ERLIN1: variants seen among roughly 807,000 people sequenced by gnomAD.
ERLIN1 encodes ER lipid raft associated 1.
Under a neutral mutation model 46.9 loss-of-function variants are expected in ERLIN1, and 24 were observed. That is an observed-to-expected ratio of 0.51 (90% CI 0.37 to 0.72). The LOEUF (loss-of-function observed/expected upper bound fraction) is 0.72, where lower values mean the gene tolerates loss of function less well. Ranked by LOEUF, ERLIN1 falls within the 30% of genes least tolerant of loss-of-function variation. The pLI, the probability that ERLIN1 is intolerant of heterozygous loss-of-function variation, is 0.00. For missense variants in ERLIN1, 293 were observed against 417.9 expected, an observed-to-expected ratio of 0.70 and a Z score of 2.61; for synonymous variants, 158 against 143.2, an observed-to-expected ratio of 1.10 and a Z score of -0.74.
At chr10:100,175,234 AT>A (rs772946844) in intron 5 of ERLIN1, among the ~76,000 whole-genome samples, 1 of 152,190 alleles carries the variant, frequency 6.6e-6, no homozygotes, top group Non-Finnish European at 1.5e-5. Flanking sequence ...AGGAACTTGG[AT>A]TTGTAGAAGG....
In ERLIN1 at chr10:100,178,142, G is replaced by C; in HGVS notation, c.295C>G (p.Pro99Ala). ...DRIEVVNMLAPYAVFDIVRNY... is the reference protein window; with the variant it reads ...DRIEVVNMLAAYAVFDIVRNY... The stretch of plus-strand genomic sequence containing the variant: ...TAGATGGGTAACATACCTGCATAAG[G>C]AGCCAACATATTAACCACTTCTATT... The change falls in exon 4 of 11, where the codon CCT (proline) becomes GCT (alanine). Residue 99 changes from proline to alanine, a missense_variant. Pro to Ala is a conservative substitution (Grantham distance 27). Around this residue, in one of 3 missense-constraint regions of ERLIN1, gnomAD observed 148 missense variants for 266.5 expected, o/e 0.56. Coordinates refer to ENST00000421367, the MANE Select transcript of ERLIN1 (RefSeq NM_006459.4). 6.3e-7 allele frequency: 1 copy of C among 1,577,358 alleles called. No individual in the cohort carries two copies. The highest frequency in any genetic ancestry group is 2.3e-5 in the East Asian group (1 of 43,738).
At chr10:100,178,309 A>G in intron 3 of ERLIN1, 115 bp from the exon 4 acceptor site, 1 of 648,710 alleles carries the variant, frequency 1.5e-6, no homozygotes, top group South Asian at 2.0e-5. Flanking sequence ...TAAAACACAG[A>G]AAGAGTTCGC....
intron 10 of ERLIN1, among the ~76,000 whole-genome samples, chr10:100,152,771 G>A (rs1842873876): frequency 6.6e-6 from 1 of 152,088 alleles, no homozygotes; most frequent in Admixed American, 6.6e-5. Flanking sequence ...TGCCAGGCTG[G>A]TCTCAAACTC....
At chr10:100,162,208 A>G (rs994620060) in intron 8 of ERLIN1, among the ~76,000 whole-genome samples, 2 of 152,170 alleles carry the variant, frequency 1.3e-5, no homozygotes, top group Non-Finnish European at 2.9e-5. Context: ...CAAAAAAGCA[A>G]TCAAATAATG....
intron 6 of ERLIN1, among the ~76,000 whole-genome samples, chr10:100,168,208 AAC>A (rs1843756184): frequency 6.6e-6 from 1 of 152,188 alleles, no homozygotes; most frequent in South Asian, 2.1e-4. Flanking sequence ...ACACACAAAA[AAC>A]ACTTTGCTGG....
At chr10:100,156,526 G>A (rs1843090212) in intron 8 of ERLIN1, among the ~76,000 whole-genome samples, 2 of 152,146 alleles carry the variant, frequency 1.3e-5, no homozygotes, top group East Asian at 3.9e-4. Flanking sequence ...AAGCTAATGG[G>A]AAAAAAAGAT....
At chr10:100,168,030 A>G (rs756840540) in intron 6 of ERLIN1, among the ~76,000 whole-genome samples, 4 of 152,248 alleles carry the variant, frequency 2.6e-5, no homozygotes, top group Non-Finnish European at 5.9e-5. Context: ...GCTGTTTACC[A>G]GACACTTTGT....
At chr10:100,177,697 T>A (rs1844391560) in intron 4 of ERLIN1, among the ~76,000 whole-genome samples, 1 of 152,228 alleles carries the variant, frequency 6.6e-6, no homozygotes, top group African/African-American at 2.4e-5. Flanking sequence ...TCATCTTTTA[T>A]CAAGAAAATG....
rs1055318856 is a variant in ERLIN1 at position 100,185,984 on chromosome 10, G to A, written c.-358C>T. ...CACCGATCAGTGACGCATCGCCCCC[G>A]CCCGCACGTGCAGCCGACTCCCGCG... On this transcript the variant is annotated 5_prime_UTR_variant, in exon 1 of 11. Transcript: ENST00000421367. The A allele has an allele frequency of 6.0e-5, 26 of 431,472 alleles. No homozygotes were observed. Among genetic ancestry groups the A allele is most frequent in the South Asian group, 5.9e-4 (9 of 15,132 alleles). The allele number at this position is 431,472 out of a possible 1,614,324, so 26.7% of individuals were successfully genotyped here.
intron 2 of ERLIN1, among the ~76,000 whole-genome samples, chr10:100,180,560 A>G (rs1844577842): frequency 6.6e-6 from 1 of 152,230 alleles, no homozygotes; most frequent in African/African-American, 2.4e-5. Context: ...TCTTAAGCTC[A>G]ATAAATATCC....
At chr10:100,152,979 G>A (rs1012439317) in intron 10 of ERLIN1, among the ~76,000 whole-genome samples, 9 of 152,170 alleles carry the variant, frequency 5.9e-5, no homozygotes, top group Non-Finnish European at 1.3e-4. Flanking sequence ...TTAGCCTCCA[G>A]GGAGGCTACA....
In ERLIN1 at chr10:100,150,474, G is replaced by T. The variant is rs1005141331; in HGVS notation, c.*1657C>A. The T allele has an allele frequency of 1.3e-5, 2 of 152,572 alleles. No homozygotes were observed. Among genetic ancestry groups the T allele is most frequent in the African/African-American group, 4.8e-5 (2 of 41,434 alleles). 9.5% of individuals were successfully genotyped at this position (152,572 alleles called of 1,614,324 possible). ...AAGATTTTATTTTTATAATTCAAAAGTTCTTTTAAGGAGAACTAAAGAACA... is the reference window on the plus strand; with the variant it reads ...AAGATTTTATTTTTATAATTCAAAATTTCTTTTAAGGAGAACTAAAGAACA... On this transcript the variant is annotated 3_prime_UTR_variant, in exon 11 of 11. Coordinates refer to ENST00000421367, the MANE Select transcript of ERLIN1 (RefSeq NM_006459.4).
At chr10:100,153,190 A>T (rs1216140064) in intron 10 of ERLIN1, among the ~76,000 whole-genome samples, 1 of 152,240 alleles carries the variant, frequency 6.6e-6, no homozygotes, top group Non-Finnish European at 1.5e-5. Context: ...TTTCCCCAGA[A>T]GCTGGATGTT....
chr10:100,182,144 G>A (rs1844691492), intron 2 of ERLIN1, among the ~76,000 whole-genome samples: 1 of 150,520 alleles, frequency 6.6e-6, no homozygotes, highest in South Asian at 2.1e-4. Flanking sequence ...TGAAGGCAGA[G>A]ACAGATCTAC....
At chr10:100,176,610 C>T (rs1227941633) in intron 4 of ERLIN1, among the ~76,000 whole-genome samples, 2 of 152,114 alleles carry the variant, frequency 1.3e-5, no homozygotes, top group Non-Finnish European at 2.9e-5. Context: ...CTGAGCTGGG[C>T]TTTATATCAG....
chr10:100,176,171 G>A, intron 4 of ERLIN1, 101 bp from the exon 5 acceptor site: 1 of 987,666 alleles, frequency 1.0e-6, no homozygotes, highest in Non-Finnish European at 1.4e-6. Context: ...TACACATGAG[G>A]AAAAGTGCCA....
chr10:100,172,974 T>G (rs942322203), intron 6 of ERLIN1, among the ~76,000 whole-genome samples: 1 of 152,206 alleles, frequency 6.6e-6, no homozygotes, highest in African/African-American at 2.4e-5. Flanking sequence ...ACAACTGACT[T>G]GAACAACTCA....
intron 9 of ERLIN1, among the ~76,000 whole-genome samples, chr10:100,155,351 A>G (rs896419422): frequency 1.3e-5 from 2 of 152,088 alleles, no homozygotes; most frequent in Non-Finnish European, 2.9e-5. Context: ...GCAGCAATAT[A>G]TAACAAGTGA....
intron 5 of ERLIN1, 134 bp from the exon 6 acceptor site, chr10:100,174,415 C>CT: frequency 5.0e-6 from 3 of 602,758 alleles, no homozygotes; most frequent in Non-Finnish European, 8.7e-6. Flanking sequence ...CTTAAACTGC[C>CT]TTTTCTTCCC....
Sources: gnomAD v4.1 joint callset for allele counts (sites outside exome capture counted in the v4.1 genomes callset) on GRCh38, gnomAD v4.1.1 for gene constraint, gnomAD v4.1.1 regional missense constraint, MANE v1.5 for transcripts, NCBI Gene and HGNC (gene_info 2026-07-23, HGNC 2026-07-21) for gene names.